PNRC1: variants seen among roughly 807,000 people sequenced by gnomAD.
PNRC1 encodes proline-rich nuclear receptor coactivator 1.
In PNRC1, 6 loss-of-function variants were observed where a neutral mutation model predicts 20.2. That is an observed-to-expected ratio of 0.30 (90% confidence interval 0.16 to 0.59). The LOEUF (loss-of-function observed/expected upper bound fraction) is 0.59, where lower values mean the gene tolerates loss of function less well. Ranked by LOEUF, PNRC1 falls within the 20% of genes least tolerant of loss-of-function variation. The probability of loss-of-function intolerance (pLI) is 0.89; values close to 1 mark genes in which losing one functional copy is unlikely to be tolerated. For synonymous variants in PNRC1, 202 were observed against 186.9 expected (o/e 1.08, Z -0.66); for missense variants, 488 against 430.2 (o/e 1.13, Z -1.19).
chr6:89,083,689 T>TA lies in PNRC1; in HGVS notation c.541-63dup, dbSNP rs561120254. On this transcript the variant is annotated intron_variant, in intron 1 of 1. Transcript: ENST00000336032. ...AAACACAACAAAACTAGATATGTGATATGAGGTTCATAACTGATTTTTATC... is the reference window on the plus strand; with the variant it reads ...AAACACAACAAAACTAGATATGTGATAATGAGGTTCATAACTGATTTTTATC... 2.5e-4 allele frequency: 301 copies of TA among 1,199,210 alleles called. 3 individuals are homozygous for TA. In the South Asian group the frequency reaches 4.5e-3, roughly 18 times the overall value. 74.3% of individuals were successfully genotyped at this position (1,199,210 alleles called of 1,614,324 possible). A position where few individuals can be genotyped will look rare whatever the true frequency, so the allele number is the denominator to read the frequency against.
chr6:89,084,902 G>T lies in PNRC1; in HGVS notation c.*706G>T, dbSNP rs967658684. On this transcript the variant is annotated 3_prime_UTR_variant, in exon 2 of 2. Transcript: ENST00000336032. ...GAATGTGTGACTAGGAGATGATTTT[G>T]TGTGGTTGGATTTTTTTGACTTCTA... 6.6e-6 allele frequency: 1 copy of T among 152,210 alleles called. No homozygotes were observed. Among genetic ancestry groups the T allele is most frequent in the South Asian group, 2.1e-4 (1 of 4,826 alleles). The allele number at this position is 152,210 out of a possible 1,614,324, so 9.4% of individuals were successfully genotyped here. A position where few individuals can be genotyped will look rare whatever the true frequency, so the allele number is the denominator to read the frequency against.
At chr6:89,083,203 A>G (rs894931678) in intron 1 of PNRC1, among the ~76,000 whole-genome samples, 2 of 152,216 alleles carry the variant, frequency 1.3e-5, no homozygotes, top group South Asian at 2.1e-4. Flanking sequence ...TATGTTGCCC[A>G]GGCTGGTCTC....
chr6:89,081,296 G>A lies in PNRC1; in HGVS notation c.402G>A (p.Pro134=), dbSNP rs1216344055. The A allele has an allele frequency of 9.3e-6, 14 of 1,508,812 alleles. No homozygotes were observed. Among genetic ancestry groups the A allele is most frequent in the African/African-American group, 2.8e-5 (2 of 70,252 alleles). 93.5% of individuals were successfully genotyped at this position (1,508,812 alleles called of 1,614,324 possible). ...LEGGRSPATG[P]SGAQEVPGPA... is the part of the protein sequence containing the mutation. ...GCGGCCGGAGCCCCGCGACCGGCCCGAGCGGAGCGCAGGAGGTCCCGGGCC... is the reference window on the plus strand; with the variant it reads ...GCGGCCGGAGCCCCGCGACCGGCCCAAGCGGAGCGCAGGAGGTCCCGGGCC... Residue 134 remains proline, a synonymous_variant, in exon 1 of 2, where the codon CCG becomes CCA. Transcript: ENST00000336032.
chr6:89,082,434 C>T (rs1358218913), intron 1 of PNRC1: 1 of 152,190 alleles, frequency 6.6e-6, no homozygotes, highest in Non-Finnish European at 1.5e-5. Flanking sequence ...AATTTGCCCA[C>T]CTTGTTTCTT....
chr6:89,083,846 AACAG>A lies in PNRC1; in HGVS notation c.640_643del (p.Gln214LysfsTer8). 1.2e-6 allele frequency: 2 copies of A among 1,614,126 alleles called. No homozygotes were observed. Among genetic ancestry groups the A allele is most frequent in the Non-Finnish European group, 1.7e-6 (2 of 1,179,982 alleles). ...ACACTTGTATGAGCAACCAAAGATA[AACAG>A]ACAGAAAAGCAAATATAACTTGCCA... On this transcript the variant is annotated frameshift_variant, in exon 2 of 2. Transcript: ENST00000336032. LOFTEE classifies it high-confidence loss of function.
Position 89,084,574 on chromosome 6 carries a change from C to G in PNRC1, c.*378C>G, listed in dbSNP as rs556550781. On this transcript the variant is annotated 3_prime_UTR_variant, in exon 2 of 2. Coordinates refer to ENST00000336032, the MANE Select transcript of PNRC1 (RefSeq NM_006813.3). ...TTTTCAAGAAACAGCTGTCAAATCT[C>G]AAGGTGAAGATCTAAATGTGAACAG... is the stretch of plus-strand genomic sequence containing the variant. The G allele has an allele frequency of 6.3e-6, 1 of 158,462 alleles. No homozygotes were observed. The highest frequency in any genetic ancestry group is 2.4e-5 in the African/African-American group (1 of 41,556). 9.8% of individuals were successfully genotyped at this position (158,462 alleles called of 1,614,324 possible). A position where few individuals can be genotyped will look rare whatever the true frequency, so the allele number is the denominator to read the frequency against.
In PNRC1 at chr6:89,081,257, G is replaced by A. The variant is rs745729010; in HGVS notation, c.363G>A (p.Arg121=). ...GCTTCCACCAGTACCAGCAGCACCGGCCGAGTCTGGAGGGCGGCCGGAGCC... is the reference window on the plus strand; with the variant it reads ...GCTTCCACCAGTACCAGCAGCACCGACCGAGTCTGGAGGGCGGCCGGAGCC... ...PSRFHQYQQH[R]PSLEGGRSPA... is the part of the protein sequence containing the mutation. The change falls in exon 1 of 2, where the codon CGG becomes CGA. Residue 121 remains arginine, a synonymous_variant. Coordinates refer to ENST00000336032, the MANE Select transcript of PNRC1 (RefSeq NM_006813.3). 1.9e-6 allele frequency: 3 copies of A among 1,543,720 alleles called. No homozygotes were observed. In the Admixed American group the frequency reaches 5.8e-5, roughly 30 times the overall value.
At position 89,080,771 on chromosome 6, in the gene PNRC1, C is replaced by T. The variant is rs565509667; in HGVS notation, c.-124C>T. On this transcript the variant is annotated 5_prime_UTR_variant, in exon 1 of 2. Coordinates refer to ENST00000336032, the MANE Select transcript of PNRC1 (RefSeq NM_006813.3). ...TATTTGTTGCTGCGCCGCCACCGCC[C>T]GAGTCATGTTCCGCGATCTTCTCAG... 6 of 910,096 alleles carry T rather than the reference C, an allele frequency of 6.6e-6. No individual in the cohort carries two copies. Among genetic ancestry groups the T allele is most frequent in the Admixed American group, 4.6e-5 (2 of 43,084 alleles). 56.4% of individuals were successfully genotyped at this position (910,096 alleles called of 1,614,324 possible).
Position 89,084,035 on chromosome 6 carries a change from C to G in PNRC1, c.823C>G (p.Gln275Glu). The part of the protein sequence containing the change: ...KKSAFLTEVS[Q>E]KENYAGAKFS... ...ATCAGCATTTCTAACTGAAGTGAGCCAAAAGGAAAATTATGCTGGGGCAAA... is the reference window on the plus strand; with the variant it reads ...ATCAGCATTTCTAACTGAAGTGAGCGAAAAGGAAAATTATGCTGGGGCAAA... The change falls in exon 2 of 2, where the codon CAA (glutamine) becomes GAA (glutamate). Residue 275 changes from glutamine to glutamate, a missense_variant. Coordinates refer to ENST00000336032, the MANE Select transcript of PNRC1 (RefSeq NM_006813.3). 7 of 1,613,982 alleles carry G rather than the reference C, an allele frequency of 4.3e-6. No individual in the cohort carries two copies. Among genetic ancestry groups the G allele is most frequent in the Non-Finnish European group, 5.9e-6 (7 of 1,179,972 alleles).
rs1462130570 is a variant in PNRC1, at chr6:89,083,792, C to T, written c.580C>T (p.Leu194Phe). ...SKMGKSEKIA[L>F]PHGQLVHGIH... is the part of the protein sequence containing the mutation. Reference sequence around the variant, plus strand: ...GATGGGAAAATCGGAGAAAATTGCCCTTCCCCATGGCCAGCTTGTTCATGG... The same window carrying T: ...GATGGGAAAATCGGAGAAAATTGCCTTTCCCCATGGCCAGCTTGTTCATGG... Residue 194 changes from leucine to phenylalanine, a missense_variant, in exon 2 of 2, where the codon CTT (leucine) becomes TTT (phenylalanine). Transcript: ENST00000336032. 1 of 1,588,620 alleles carries T rather than the reference C, an allele frequency of 6.3e-7. No individual in the cohort carries two copies. The highest frequency in any genetic ancestry group is 8.5e-7 in the Non-Finnish European group (1 of 1,171,000).
chr6:89,081,078 G>C lies in PNRC1; in HGVS notation c.184G>C (p.Gly62Arg), dbSNP rs776862794. 13 of 1,609,884 alleles carry C rather than the reference G, an allele frequency of 8.1e-6. No individual in the cohort carries two copies. The African/African-American group carries it at 1.5e-4, about 18-fold the overall frequency. ...PPTLFLPHFL[G>R]GDGPCLTPQP... ...GACCCTCTTCCTCCCTCATTTCCTA[G>C]GGGGAGATGGCCCGTGTCTGACCCC... is the stretch of plus-strand genomic sequence containing the variant. Residue 62 changes from glycine (G) to arginine (R), a missense_variant, in exon 1 of 2, where the codon GGG (glycine) becomes CGG (arginine). Physicochemically the swap from Gly to Arg is moderately radical, Grantham distance 125 (BLOSUM62 -2). Coordinates refer to ENST00000336032, the MANE Select transcript of PNRC1 (RefSeq NM_006813.3).
In PNRC1 at chr6:89,084,228, A is replaced by C. The variant is rs1562176012; in HGVS notation, c.*32A>C. 1 of 1,449,134 alleles carries C rather than the reference A, an allele frequency of 6.9e-7. No individual in the cohort carries two copies. The highest frequency in any genetic ancestry group is 1.4e-5 in the African/African-American group (1 of 70,140). The allele number at this position is 1,449,134 out of a possible 1,614,324, so 89.8% of individuals were successfully genotyped here. A position where few individuals can be genotyped will look rare whatever the true frequency, so the allele number is the denominator to read the frequency against. ...GATTTCAGTATGTGTGTAAAACATA[A>C]TTTTTCCCATATCCCTGGACTCTTG... On this transcript the variant is annotated 3_prime_UTR_variant, in exon 2 of 2. Transcript: ENST00000336032.
At position 89,084,435 on chromosome 6, in the gene PNRC1, T is replaced by C. The variant is rs143283530; in HGVS notation, c.*239T>C. 1.4e-3 allele frequency: 501 copies of C among 352,382 alleles called. 4 individuals are homozygous for C. Among genetic ancestry groups the C allele is most frequent in the African/African-American group, 9.5e-3 (448 of 47,106 alleles). The allele number at this position is 352,382 out of a possible 1,614,324, so 21.8% of individuals were successfully genotyped here. A position where few individuals can be genotyped will look rare whatever the true frequency, so the allele number is the denominator to read the frequency against. Reference sequence around the variant, plus strand: ...ATATTATAGTTTTGTTATGAAAGTATGTATTTTGCCCTGCCCACATTGCAG... The same window carrying C: ...ATATTATAGTTTTGTTATGAAAGTACGTATTTTGCCCTGCCCACATTGCAG... On this transcript the variant is annotated 3_prime_UTR_variant, in exon 2 of 2. Coordinates refer to ENST00000336032, the MANE Select transcript of PNRC1 (RefSeq NM_006813.3).
At chr6:89,083,355 A>G (rs901523277) in intron 1 of PNRC1, among the ~76,000 whole-genome samples, 3 of 152,212 alleles carry the variant, frequency 2.0e-5, no homozygotes, top group South Asian at 2.1e-4. Context: ...CAGGTTTGCT[A>G]CATGGGTATA....
In PNRC1 at chr6:89,084,220, A is replaced by G; in HGVS notation, c.*24A>G. ...AGATTTCAGATTTCAGTATGTGTGT[A>G]AAACATAATTTTTCCCATATCCCTG... On this transcript the variant is annotated 3_prime_UTR_variant, in exon 2 of 2. Transcript: ENST00000336032. The G allele has an allele frequency of 6.6e-7, 1 of 1,505,876 alleles. No individual in the cohort carries two copies. The highest frequency in any genetic ancestry group is 2.3e-5 in the East Asian group (1 of 43,902). 93.3% of individuals were successfully genotyped at this position (1,505,876 alleles called of 1,614,324 possible). A position where few individuals can be genotyped will look rare whatever the true frequency, so the allele number is the denominator to read the frequency against.
chr6:89,080,838 G>A lies in PNRC1; in HGVS notation c.-57G>A. 5 of 1,272,516 alleles carry A rather than the reference G, an allele frequency of 3.9e-6. No individual in the cohort carries two copies. Among genetic ancestry groups the A allele is most frequent in the South Asian group, 2.7e-5 (2 of 75,128 alleles). 78.8% of individuals were successfully genotyped at this position (1,272,516 alleles called of 1,614,324 possible). On this transcript the variant is annotated 5_prime_UTR_variant, in exon 1 of 2. Coordinates refer to ENST00000336032, the MANE Select transcript of PNRC1 (RefSeq NM_006813.3). Reference sequence around the variant, plus strand: ...CCATCGCCGCCACCCTATCTTCACTGGCTTCATTCACCTTCTCCTTCTCTC... The same window carrying A: ...CCATCGCCGCCACCCTATCTTCACTAGCTTCATTCACCTTCTCCTTCTCTC...
At chr6:89,083,682 T>C in intron 1 of PNRC1, 71 bp from the exon 2 acceptor site, 2 of 1,125,358 alleles carry the variant, frequency 1.8e-6, no homozygotes, top group Non-Finnish European at 2.5e-6. Context: ...CAAAACTAGA[T>C]ATGTGATATG....
At chr6:89,082,212 A>T (rs376349604) in intron 1 of PNRC1, 7 of 152,252 alleles carry the variant, frequency 4.6e-5, no homozygotes, top group African/African-American at 1.7e-4. Context: ...AGCCCGTCTG[A>T]TTGCAGTGCT....
chr6:89,084,255 GA>G lies in PNRC1; in HGVS notation c.*63del. 1 of 1,213,248 alleles carries G rather than the reference GA, an allele frequency of 8.2e-7. No individual in the cohort carries two copies. 75.2% of individuals were successfully genotyped at this position (1,213,248 alleles called of 1,614,324 possible). A position where few individuals can be genotyped will look rare whatever the true frequency, so the allele number is the denominator to read the frequency against. The stretch of plus-strand genomic sequence containing the variant: ...TTTTCCCATATCCCTGGACTCTTGA[GA>G]AAATTGGTACAGAAATGGAAATTTG... On this transcript the variant is annotated 3_prime_UTR_variant, in exon 2 of 2. Transcript: ENST00000336032.
Sources: gnomAD v4.1 joint callset for allele counts (sites outside exome capture counted in the v4.1 genomes callset) on GRCh38, gnomAD v4.1.1 for gene constraint, MANE v1.5 for transcripts, NCBI Gene and HGNC (gene_info 2026-07-23, HGNC 2026-07-21) for gene names.